NTNG1: variants seen among roughly 807,000 people sequenced by gnomAD.
NTNG1 encodes the protein netrin-G1.
Under a neutral mutation model 54.0 loss-of-function variants are expected in NTNG1, and 16 were observed. The ratio of observed to expected loss-of-function variants is 0.30; its 90% CI spans 0.20 to 0.45. NTNG1 has a LOEUF of 0.45. NTNG1 is among the 20% of genes least tolerant of loss of function. The pLI is 1.00. For synonymous variants in NTNG1, 255 were observed against 263.1 expected, an observed-to-expected ratio of 0.97 and a Z score of 0.30; for missense variants, 530 against 678.7, an observed-to-expected ratio of 0.78 and a Z score of 2.43.
rs527788137 is a variant in NTNG1, at chr1:107,462,470, A to C, written c.1391-18141A>C. ...TAAAAGGATTAACCAGTGCATGAAA[A>C]GCACTTGGAAAAATGCCTGATAGGA... On this transcript the variant is annotated intron_variant, in intron 7 of 7. Transcript: ENST00000370068. Among the ~76,000 whole-genome samples, 23 of 152,328 alleles carry C rather than the reference A, an allele frequency of 1.5e-4. No individual in the cohort carries two copies. The South Asian group carries it at 4.1e-3, about 27-fold the overall frequency.
At chr1:107,140,472 C>T (rs979474739), upstream of NTNG1, among the ~76,000 whole-genome samples, 4 of 152,026 alleles carry the variant, frequency 2.6e-5, no homozygotes, top group Middle Eastern at 6.8e-3. Flanking sequence ...CGTCGTGGGC[C>T]ATGTATATTT....
intron 2 of NTNG1, among the ~76,000 whole-genome samples, chr1:107,295,736 A>T (rs562896943): frequency 7.9e-5 from 12 of 152,260 alleles, no homozygotes; most frequent in African/African-American, 2.6e-4. Context: ...ATATATATAC[A>T]CATACATATA....
intron 3 of NTNG1, among the ~76,000 whole-genome samples, chr1:107,370,491 T>A (rs1670854241): frequency 6.6e-6 from 1 of 151,936 alleles, no homozygotes; most frequent in African/African-American, 2.4e-5. Context: ...CAATTTGTAG[T>A]CTTTTATCCC....
intron 2 of NTNG1, among the ~76,000 whole-genome samples, chr1:107,305,990 A>C (rs12566028): frequency 0.27 from 41,005 of 152,066 alleles, 5,667 homozygotes; most frequent in South Asian, 0.36. Context: ...CTACTGCTGG[A>C]AACAAACATT....
chr1:107,147,336 G>T (rs545338326), intron 1 of NTNG1, among the ~76,000 whole-genome samples: 1 of 152,096 alleles, frequency 6.6e-6, no homozygotes, highest in South Asian at 2.1e-4. Context: ...TATAATATTC[G>T]CCTTTGGGAC....
intron 4 of NTNG1, among the ~76,000 whole-genome samples, chr1:107,396,035 C>G (rs139163513): frequency 3.9e-5 from 6 of 152,224 alleles, no homozygotes; most frequent in African/African-American, 1.4e-4. Context: ...GGAAAACAGG[C>G]TCTGACATGC....
chr1:107,346,887 A>T, intron 3 of NTNG1, among the ~76,000 whole-genome samples: 1 of 91,386 alleles, frequency 1.1e-5, no homozygotes, highest in Non-Finnish European at 2.2e-5. Context: ...TCTATCCTAA[A>T]AAAAAAAAAA....
intron 3 of NTNG1, among the ~76,000 whole-genome samples, chr1:107,378,710 C>G (rs980247252): frequency 1.3e-5 from 2 of 152,164 alleles, no homozygotes; most frequent in East Asian, 1.9e-4. Context: ...GACAGAGAGG[C>G]TGGTCTGGCA....
rs1012538847 is a variant in NTNG1, at chr1:107,185,891, G to A, written c.246+37052G>A. 1.3e-4 allele frequency among the ~76,000 whole-genome samples: 19 copies of A among 151,894 alleles called. 1 individual carries two copies. The highest frequency in any genetic ancestry group is 2.5e-4 in the Non-Finnish European group (17 of 67,982). ...CTATTTTTTTTTAAAACTTGTATAC[G>A]TTTAAAGGGTAAAAGTGCAGTTTTG... On this transcript the variant is annotated intron_variant, in intron 2 of 7. Transcript: ENST00000370068.
At position 107,484,421 on chromosome 1, in the gene NTNG1, AGTTT is replaced by A. The variant is rs771064480; in HGVS notation, c.*3585_*3588del. Among the ~76,000 whole-genome samples the A allele has an allele frequency of 2.4e-4, 37 of 152,324 alleles. No individual in the cohort carries two copies. The highest frequency in any genetic ancestry group is 4.3e-4 in the Non-Finnish European group (29 of 68,030). On this transcript the variant is annotated 3_prime_UTR_variant, in exon 8 of 8. Coordinates refer to ENST00000370068, the MANE Select transcript of NTNG1 (RefSeq NM_001113226.3). ...GTGGCAGGATGGAAGATAATTTAAC[AGTTT>A]GTTAGCTTTATGTATGACTTTTAAA... is the stretch of plus-strand genomic sequence containing the variant.
chr1:107,223,256 G>T (rs756593327), intron 2 of NTNG1, among the ~76,000 whole-genome samples: 1 of 152,086 alleles, frequency 6.6e-6, no homozygotes, highest in South Asian at 2.1e-4. Context: ...AGGGGTGTGT[G>T]TGTGTCTGTG....
intron 7 of NTNG1, among the ~76,000 whole-genome samples, chr1:107,471,692 A>T (rs1001152385): frequency 6.6e-6 from 1 of 152,196 alleles, no homozygotes; most frequent in Non-Finnish European, 1.5e-5. Flanking sequence ...AATATTTGAG[A>T]ATTGCATGTT....
intron 2 of NTNG1, among the ~76,000 whole-genome samples, chr1:107,200,350 A>T (rs1658649901): frequency 6.6e-6 from 1 of 151,934 alleles, no homozygotes; most frequent in South Asian, 2.1e-4. Context: ...AAAATAACAT[A>T]TTAGTGATAC....
intron 2 of NTNG1, among the ~76,000 whole-genome samples, chr1:107,284,505 C>T (rs1447441469): frequency 6.6e-6 from 1 of 152,034 alleles, no homozygotes; most frequent in Non-Finnish European, 1.5e-5. Flanking sequence ...CAAGTCTATA[C>T]TTAAGAAAAT....
intron 2 of NTNG1, among the ~76,000 whole-genome samples, chr1:107,248,334 G>A (rs1662336356): frequency 6.6e-6 from 1 of 152,166 alleles, no homozygotes. Flanking sequence ...ATGTCACAAT[G>A]CTATTGGGTT....
chr1:107,200,924 A>G (rs528635600), intron 2 of NTNG1, among the ~76,000 whole-genome samples: 27 of 151,926 alleles, frequency 1.8e-4, no homozygotes, highest in African/African-American at 5.1e-4. Context: ...TTTGTTATTG[A>G]TATCCCTCCC....
chr1:107,431,040 A>G (rs1675229830), intron 6 of NTNG1, 123 bp downstream of exon 6: 1 of 800,840 alleles, frequency 1.2e-6, no homozygotes, highest in Non-Finnish European at 2.0e-6. Context: ...CAATGTAGAA[A>G]ATATCCTATG....
chr1:107,443,946 G>A (rs533286975), intron 7 of NTNG1, among the ~76,000 whole-genome samples: 1 of 152,242 alleles, frequency 6.6e-6, no homozygotes, highest in South Asian at 2.1e-4. Context: ...GGGTGGGAAG[G>A]AAGTGCTCTT....
At chr1:107,411,222 T>G (rs1673779527) in intron 5 of NTNG1, among the ~76,000 whole-genome samples, 1 of 152,088 alleles carries the variant, frequency 6.6e-6, no homozygotes, top group Admixed American at 6.6e-5. Context: ...AAAACAACAG[T>G]TCACTTAAGG....
Sources: allele counts gnomAD v4.1 joint callset (sites outside exome capture counted in the v4.1 genomes callset), GRCh38; gene constraint gnomAD v4.1.1; transcripts MANE v1.5; gene names NCBI Gene and HGNC (gene_info 2026-07-23, HGNC 2026-07-21).